The following ZC3H14 variants were observed in gnomAD, a reference collection of about 807,000 sequenced individuals.
ZC3H14 encodes the protein zinc finger CCCH-type containing 14.
ZC3H14 carries 31 observed loss-of-function variants against 92.4 expected under a neutral mutation model. That is an observed-to-expected ratio of 0.34 (90% CI 0.25 to 0.45). The LOEUF (loss-of-function observed/expected upper bound fraction) is 0.45, where lower values mean the gene tolerates loss of function less well. ZC3H14 is among the 20% of genes least tolerant of loss of function. ZC3H14 has a pLI of 1.00. For synonymous variants in ZC3H14, 321 were observed against 300.9 expected (o/e 1.07, Z -0.69); for missense variants, 781 against 897.3 (o/e 0.87, Z 1.66).
intron 7 of ZC3H14, among the ~76,000 whole-genome samples, chr14:88,575,172 A>G (rs1316196446): frequency 3.3e-5 from 5 of 152,144 alleles, no homozygotes; most frequent in East Asian, 1.9e-4. Context: ...TCCTGACCTC[A>G]GGTGATCTGC....
At chr14:88,588,298 A>G (rs2082697227) in intron 9 of ZC3H14, among the ~76,000 whole-genome samples, 1 of 152,132 alleles carries the variant, frequency 6.6e-6, no homozygotes, top group African/African-American at 2.4e-5. Flanking sequence ...TTGTCTTCTC[A>G]GTGCATTTCT....
intron 1 of ZC3H14, 102 bp from the exon 2 acceptor site, chr14:88,563,549 C>T (rs2079158537): frequency 6.3e-7 from 1 of 1,578,744 alleles, no homozygotes; most frequent in Non-Finnish European, 8.7e-7. Context: ...CCGGGGGATC[C>T]GAGGTGCGCG....
chr14:88,603,120 T>TTCTCTAC, intron 12 of ZC3H14, 60 bp downstream of exon 12: 1 of 1,507,794 alleles, frequency 6.6e-7, no homozygotes, highest in Non-Finnish European at 9.2e-7. Context: ...TTTGACTTGT[T>TTCTCTAC]TCTCTACCTT....
chr14:88,602,737 G>C, intron 11 of ZC3H14, 91 bp from the exon 12 acceptor site: 1 of 1,342,402 alleles, frequency 7.4e-7, no homozygotes, highest in Non-Finnish European at 1.0e-6. Context: ...CAAAGCCAAG[G>C]GAGTGATAGT....
At position 88,619,919 on chromosome 14, in the gene ZC3H14, C is replaced by T. The variant is rs1184669116; in HGVS notation, c.*8168C>T. ...ACTTCAGGTGATCTGCCTGCCTCGG[C>T]CTCCCAAAGTGCTGGGATTACAGGC... On this transcript the variant is annotated 3_prime_UTR_variant, in exon 17 of 17. Transcript: ENST00000251038. 1 of 152,302 alleles carries T rather than the reference C, an allele frequency of 6.6e-6. No individual in the cohort carries two copies. 9.4% of individuals were successfully genotyped at this position (152,302 alleles called of 1,614,324 possible).
chr14:88,603,703 C>G (rs2084943611), intron 12 of ZC3H14, among the ~76,000 whole-genome samples: 1 of 152,134 alleles, frequency 6.6e-6, no homozygotes, highest in Non-Finnish European at 1.5e-5. Flanking sequence ...CTTATATCTT[C>G]TAAAATATTT....
intron 8 of ZC3H14, among the ~76,000 whole-genome samples, chr14:88,576,723 T>C (rs1423534003): frequency 6.6e-6 from 1 of 152,192 alleles, no homozygotes; most frequent in Admixed American, 6.5e-5. Flanking sequence ...GCCCTGCTTA[T>C]CCACTCTCTC....
chr14:88,574,603 T>C, intron 6 of ZC3H14, 90 bp from the exon 7 acceptor site: 8 of 1,460,826 alleles, frequency 5.5e-6, no homozygotes, highest in Non-Finnish European at 7.7e-6. Context: ...TATTACTGTG[T>C]ACTGTTTTTT....
chr14:88,623,904 T>C lies in ZC3H14; in HGVS notation c.*12153T>C, dbSNP rs1270430295. The stretch of plus-strand genomic sequence containing the variant: ...TTATTCCTGGAAGGGCTGAAAAATG[T>C]ATTCCTTCCTTTTCTGCTAGATGAA... On this transcript the variant is annotated 3_prime_UTR_variant, in exon 17 of 17. Coordinates refer to ENST00000251038, the MANE Select transcript of ZC3H14 (RefSeq NM_024824.5). 6.6e-6 allele frequency: 1 copy of C among 152,184 alleles called. No homozygotes were observed. The highest frequency in any genetic ancestry group is 1.5e-5 in the Non-Finnish European group (1 of 68,044). The allele number at this position is 152,184 out of a possible 1,614,324, so 9.4% of individuals were successfully genotyped here. A position where few individuals can be genotyped will look rare whatever the true frequency, so the allele number is the denominator to read the frequency against.
At chr14:88,597,743 G>T (rs761314768) in intron 10 of ZC3H14, among the ~76,000 whole-genome samples, 2 of 152,164 alleles carry the variant, frequency 1.3e-5, no homozygotes, top group African/African-American at 2.4e-5. Context: ...CCAGCAGTCC[G>T]TCCTGCTTCC....
At chr14:88,597,315 C>T (rs890256093) in intron 10 of ZC3H14, among the ~76,000 whole-genome samples, 9 of 152,218 alleles carry the variant, frequency 5.9e-5, no homozygotes, top group African/African-American at 2.2e-4. Context: ...TACTCCAGGA[C>T]TGGAGCTGAC....
intron 2 of ZC3H14, among the ~76,000 whole-genome samples, chr14:88,565,722 A>G (rs917130660): frequency 6.6e-6 from 1 of 152,226 alleles, no homozygotes; most frequent in African/African-American, 2.4e-5. Flanking sequence ...TCACAGAAGA[A>G]TATCCACCTT....
intron 15 of ZC3H14, 54 bp downstream of exon 15, chr14:88,609,857 A>T (rs1234219879): frequency 6.4e-7 from 1 of 1,566,566 alleles, no homozygotes; most frequent in African/African-American, 1.4e-5. Flanking sequence ...CAATTTCCTC[A>T]TTTAACTTCT....
Position 88,615,781 on chromosome 14 carries a change from G to A in ZC3H14, c.*4030G>A, listed in dbSNP as rs1210164943. 1 of 1,600,006 alleles carries A rather than the reference G, an allele frequency of 6.2e-7. No individual in the cohort carries two copies. The highest frequency in any genetic ancestry group is 8.5e-7 in the Non-Finnish European group (1 of 1,172,850). ...TTGGTTTTTCTTCTCTGTAATTCTG[G>A]TCTCAAAGTTAATTTCTGTAGTCAT... On this transcript the variant is annotated 3_prime_UTR_variant, in exon 17 of 17. Coordinates refer to ENST00000251038, the MANE Select transcript of ZC3H14 (RefSeq NM_024824.5).
rs2084865801 is a variant in ZC3H14 at position 88,602,984 on chromosome 14, C to T, written c.1671C>T (p.Leu557=). The T allele has an allele frequency of 6.2e-6, 10 of 1,614,058 alleles. No individual in the cohort carries two copies. The highest frequency in any genetic ancestry group is 8.5e-6 in the Non-Finnish European group (10 of 1,180,032). The change falls in exon 12 of 17, where the codon CTC becomes CTT. Residue 557 remains leucine (L), a synonymous_variant. Coordinates refer to ENST00000251038, the MANE Select transcript of ZC3H14 (RefSeq NM_024824.5). ...VNQTAASNKG[L]RGLLHPQQLH... ...AAACTGCAGCCTCAAACAAGGGACT[C>T]AGAGGTCTCCTCCACCCACAGCAGT...
In ZC3H14 at chr14:88,616,060, A is replaced by AT; in HGVS notation, c.*4309_*4310insT. 1 of 1,482,424 alleles carries AT rather than the reference A, an allele frequency of 6.7e-7. No homozygotes were observed. Among genetic ancestry groups the AT allele is most frequent in the Non-Finnish European group, 9.4e-7 (1 of 1,064,172 alleles). The allele number at this position is 1,482,424 out of a possible 1,614,324, so 91.8% of individuals were successfully genotyped here. A position where few individuals can be genotyped will look rare whatever the true frequency, so the allele number is the denominator to read the frequency against. The stretch of plus-strand genomic sequence containing the variant: ...CTAATGTTGACTAGCTGATTTCATA[A>AT]ACCAAAGCTGTAGGAGTTGTTGTAT... On this transcript the variant is annotated 3_prime_UTR_variant, in exon 17 of 17. Transcript: ENST00000251038.
At chr14:88,595,488 A>T (rs766806911) in intron 9 of ZC3H14, among the ~76,000 whole-genome samples, 10 of 152,204 alleles carry the variant, frequency 6.6e-5, no homozygotes, top group Non-Finnish European at 1.5e-4. Context: ...TGGAAAGAGC[A>T]TTCTTCCTGT....
At chr14:88,606,208 G>A (rs972630217) in intron 12 of ZC3H14, among the ~76,000 whole-genome samples, 1 of 152,148 alleles carries the variant, frequency 6.6e-6, no homozygotes, top group Admixed American at 6.5e-5. Flanking sequence ...TTTCGATGAA[G>A]GCAGATTTTT....
Position 88,622,523 on chromosome 14 carries a change from A to AG in ZC3H14, c.*10774dup, listed in dbSNP as rs1187849548. 1.8e-6 allele frequency: 2 copies of AG among 1,109,344 alleles called. No individual in the cohort carries two copies. The highest frequency in any genetic ancestry group is 2.5e-6 in the Non-Finnish European group (2 of 790,850). The allele number at this position is 1,109,344 out of a possible 1,614,324, so 68.7% of individuals were successfully genotyped here. On this transcript the variant is annotated 3_prime_UTR_variant, in exon 17 of 17. Coordinates refer to ENST00000251038, the MANE Select transcript of ZC3H14 (RefSeq NM_024824.5). ...TATGCATTATTAAGTATTGTTCATT[A>AG]GGCTGCAAAGGGTGAGGGAATCACA...
Sources: allele counts gnomAD v4.1 joint callset (sites outside exome capture counted in the v4.1 genomes callset), GRCh38; gene constraint gnomAD v4.1.1; transcripts MANE v1.5; gene names NCBI Gene and HGNC (gene_info 2026-07-23, HGNC 2026-07-21).